The following MAP3K5 variants were observed in gnomAD, a reference collection of about 807,000 sequenced individuals.
The protein encoded by MAP3K5 is ASK-1.
A neutral mutation model predicts 158.7 loss-of-function variants in MAP3K5; 56 were observed. The observed-to-expected ratio is 0.35, with a 90% CI of 0.28 to 0.44. The LOEUF is 0.44. Among genes scored for constraint, MAP3K5 ranks in the 20% least tolerant of loss-of-function variants. The pLI is 1.00. For synonymous variants in MAP3K5, 579 were observed against 601.7 expected (o/e 0.96, Z 0.55); for missense variants, 1,294 against 1,674.8 (o/e 0.77, Z 3.97).
At chr6:136,712,609 T>C (rs1261513619) in intron 2 of MAP3K5, among the ~76,000 whole-genome samples, 1 of 152,242 alleles carries the variant, frequency 6.6e-6, no homozygotes. Flanking sequence ...TTAAACTGTA[T>C]TGTTAAAGTT....
At chr6:136,605,914 A>G (rs559607084) in intron 18 of MAP3K5, among the ~76,000 whole-genome samples, 1 of 152,354 alleles carries the variant, frequency 6.6e-6, no homozygotes, top group Non-Finnish European at 1.5e-5. Flanking sequence ...AAATTAATGC[A>G]AATAAATTTC....
intron 1 of MAP3K5, among the ~76,000 whole-genome samples, chr6:136,772,104 G>GC (rs1221170222): frequency 1.4e-5 from 2 of 143,760 alleles, no homozygotes; most frequent in African/African-American, 5.1e-5. Context: ...GAAATGGGGG[G>GC]GGGGGGTTTA....
chr6:136,622,751 CA>C lies in MAP3K5; in HGVS notation c.2150+96del, dbSNP rs566229102. 5.3e-5 allele frequency: 70 copies of C among 1,318,868 alleles called. No homozygotes were observed. In the African/African-American group the frequency reaches 9.1e-4, roughly 17 times the overall value. The allele number at this position is 1,318,868 out of a possible 1,614,324, so 81.7% of individuals were successfully genotyped here. On this transcript the variant is annotated intron_variant, in intron 15 of 29. Transcript: ENST00000359015. ...GCTAATTCACAGAGTGAAGTTTTCACAGTTTCATTCATTAGAATATCATCAA... is the reference window on the plus strand; with the variant it reads ...GCTAATTCACAGAGTGAAGTTTTCACGTTTCATTCATTAGAATATCATCAA...
intron 2 of MAP3K5, among the ~76,000 whole-genome samples, chr6:136,719,062 G>A (rs1162743902): frequency 1.3e-5 from 2 of 152,132 alleles, no homozygotes; most frequent in South Asian, 4.1e-4. Flanking sequence ...TGTAGTCCCA[G>A]CTACTCAGGA....
intron 1 of MAP3K5, among the ~76,000 whole-genome samples, chr6:136,781,539 T>C (rs28544300): frequency 5.0e-4 from 76 of 152,346 alleles, no homozygotes; most frequent in African/African-American, 1.8e-3. Flanking sequence ...ACATCTGTAT[T>C]GTTTGGAAGT....
At chr6:136,589,580 A>G (rs539971668) in intron 23 of MAP3K5, among the ~76,000 whole-genome samples, 2 of 152,294 alleles carry the variant, frequency 1.3e-5, no homozygotes, top group East Asian at 3.9e-4. Flanking sequence ...TTGAAGCCCT[A>G]ACACTCAATG....
At chr6:136,776,856 T>TA (rs1174670864) in intron 1 of MAP3K5, among the ~76,000 whole-genome samples, 2 of 152,196 alleles carry the variant, frequency 1.3e-5, no homozygotes, top group Non-Finnish European at 2.9e-5. Context: ...ACTTTGGAAA[T>TA]ACAGACAACG....
At chr6:136,575,575 C>A (rs1028249185) in intron 25 of MAP3K5, among the ~76,000 whole-genome samples, 3 of 152,192 alleles carry the variant, frequency 2.0e-5, no homozygotes, top group Non-Finnish European at 4.4e-5. Flanking sequence ...TGTCATGTCG[C>A]CTTAGTCTCT....
chr6:136,699,043 A>G (rs1780732532), intron 3 of MAP3K5, among the ~76,000 whole-genome samples: 1 of 152,164 alleles, frequency 6.6e-6, no homozygotes, highest in Admixed American at 6.5e-5. Flanking sequence ...CGCAGCATAC[A>G]CATATGAAAA....
intron 21 of MAP3K5, among the ~76,000 whole-genome samples, chr6:136,594,669 C>G (rs1283843214): frequency 6.6e-6 from 1 of 152,088 alleles, no homozygotes; most frequent in African/African-American, 2.4e-5. Flanking sequence ...GAGATGCATG[C>G]CACACTCAGA....
At chr6:136,783,260 C>A (rs1784694360) in intron 1 of MAP3K5, among the ~76,000 whole-genome samples, 1 of 143,172 alleles carries the variant, frequency 7.0e-6, no homozygotes, top group African/African-American at 2.6e-5. Flanking sequence ...GCCTGGGTGA[C>A]AGAGCAAGAT....
At chr6:136,595,463 A>G (rs117678660) in intron 21 of MAP3K5, among the ~76,000 whole-genome samples, 663 of 152,288 alleles carry the variant, frequency 4.4e-3, no homozygotes, top group Non-Finnish European at 6.9e-3. Context: ...TCTATTAGGC[A>G]CATGCATTCA....
intron 19 of MAP3K5, 117 bp from the exon 20 acceptor site, chr6:136,602,096 A>C: frequency 1.3e-6 from 1 of 740,774 alleles, no homozygotes; most frequent in Non-Finnish European, 2.2e-6. Context: ...ATACAACACA[A>C]ACTTATGGCT....
In MAP3K5 at chr6:136,639,630, T is replaced by G. The variant is rs1286774711; in HGVS notation, c.1847A>C (p.Lys616Thr). The G allele has an allele frequency of 1.9e-6, 3 of 1,565,642 alleles. No individual in the cohort carries two copies. Among genetic ancestry groups the G allele is most frequent in the Non-Finnish European group, 2.6e-6 (3 of 1,146,534 alleles). ...ASSVRGVSIS[K>T]FEERCCFLYV... is the part of the protein sequence containing the mutation. ...AAGAAAGCAGCATCTTTCTTCAAAT[T>G]TAGAAATACTGAAACCAACAAACAA... The change falls in exon 13 of 30, where the codon AAA (lysine) becomes ACA (threonine). Residue 616 changes from lysine to threonine, a missense_variant. Physicochemically the swap from Lys to Thr is moderately conservative, Grantham distance 78 (BLOSUM62 -1). Coordinates refer to ENST00000359015, the MANE Select transcript of MAP3K5 (RefSeq NM_005923.4).
chr6:136,792,498 A>AG (rs1335431146), upstream of MAP3K5: 1 of 549,068 alleles, frequency 1.8e-6, no homozygotes, highest in African/African-American at 2.1e-5. This position sits in a 1 kb window ranked among gnomAD's most constrained non-coding sequence, Gnocchi z 5.7. Context: ...GCCGCGGTGC[A>AG]GCTCAAGGGC....
intron 25 of MAP3K5, among the ~76,000 whole-genome samples, chr6:136,574,791 G>A (rs1776167692): frequency 1.4e-5 from 2 of 146,174 alleles, no homozygotes; most frequent in Non-Finnish European, 3.0e-5. Context: ...TGGGGTTCAT[G>A]CCATTCTCCT....
intron 11 of MAP3K5, among the ~76,000 whole-genome samples, chr6:136,649,694 A>G (rs1778432450): frequency 6.6e-6 from 1 of 152,246 alleles, no homozygotes; most frequent in Non-Finnish European, 1.5e-5. Flanking sequence ...GTTAGGATTT[A>G]GTCCACATAA....
At chr6:136,792,851 C>T (rs2115091416), upstream of MAP3K5, among the ~76,000 whole-genome samples, 1 of 152,342 alleles carries the variant, frequency 6.6e-6, no homozygotes, top group African/African-American at 2.4e-5. The surrounding 1 kb of genome is among the most constrained non-coding windows in gnomAD (Gnocchi z 5.7). Context: ...CTCTCCACCA[C>T]CAGCTTCTGG....
chr6:136,619,864 G>C (rs568641944), intron 15 of MAP3K5, among the ~76,000 whole-genome samples: 2 of 152,334 alleles, frequency 1.3e-5, no homozygotes, highest in African/African-American at 2.4e-5. Context: ...GAGTGCAAGA[G>C]AAAGAGAGGA....
Sources: gnomAD v4.1 joint callset for allele counts (sites outside exome capture counted in the v4.1 genomes callset) on GRCh38, gnomAD v4.1.1 for gene constraint, Gnocchi (gnomAD v3.1) non-coding constraint, MANE v1.5 for transcripts, NCBI Gene and HGNC (gene_info 2026-07-23, HGNC 2026-07-21) for gene names.